Variants in NCOR2 observed in about 807,000 individuals in gnomAD.
The protein encoded by NCOR2 is CTG repeat protein 26.
NCOR2 carries 81 observed loss-of-function variants against 262.9 expected under a neutral mutation model. The ratio of observed to expected loss-of-function variants is 0.31; its 90% CI spans 0.26 to 0.37. The LOEUF (loss-of-function observed/expected upper bound fraction) is 0.37. Ranked by LOEUF, NCOR2 falls within the 10% of genes least tolerant of loss-of-function variation. NCOR2 has a pLI of 1.00. For missense variants in NCOR2, 3,385 were observed against 3,621.4 expected, an observed-to-expected ratio of 0.93 and a Z score of 1.68; for synonymous variants, 1,659 against 1,559.3, an observed-to-expected ratio of 1.06 and a Z score of -1.51.
intron 6 of NCOR2, among the ~76,000 whole-genome samples, chr12:124,450,548 G>A (rs1200972344): frequency 1.3e-5 from 2 of 152,184 alleles, no homozygotes; most frequent in African/African-American, 4.8e-5. Context: ...AAGCAAGCTA[G>A]CCGTCCACCA....
chr12:124,527,190 T>A (rs1165643066), intron 1 of NCOR2, among the ~76,000 whole-genome samples: 2 of 152,106 alleles, frequency 1.3e-5, no homozygotes. Context: ...GAAGGGTAGA[T>A]GACAAACACG....
chr12:124,327,034 C>T (rs1348567928), intron 45 of NCOR2, among the ~76,000 whole-genome samples: 1 of 152,182 alleles, frequency 6.6e-6, no homozygotes, highest in African/African-American at 2.4e-5. Context: ...TTCCCCTGTC[C>T]ACACAGTGTG....
At chr12:124,460,380 G>A (rs1460833955) in intron 5 of NCOR2, among the ~76,000 whole-genome samples, 4 of 152,206 alleles carry the variant, frequency 2.6e-5, no homozygotes, top group African/African-American at 7.2e-5. Flanking sequence ...CTCTCTCCAC[G>A]TCGCTGCAGC....
exon 9 of NCOR2, chr12:124,430,706 G>C: frequency 6.2e-7 from 1 of 1,614,170 alleles, no homozygotes; most frequent in Non-Finnish European, 8.5e-7. Context: ...TTGGCCCGCC[G>C]CCGGGGGTTG....
chr12:124,532,028 C>T (rs2050818848), intron 1 of NCOR2, among the ~76,000 whole-genome samples: 1 of 152,112 alleles, frequency 6.6e-6, no homozygotes, highest in African/African-American at 2.4e-5. Context: ...GGAGCCAAGC[C>T]CTCCCTCTGC....
intron 43 of NCOR2, 66 bp from the exon 46 acceptor site, chr12:124,330,964 C>A: frequency 6.6e-7 from 1 of 1,522,350 alleles, no homozygotes; most frequent in Non-Finnish European, 8.9e-7. Flanking sequence ...CTACCAGTCC[C>A]GTGTGGTCCA....
chr12:124,534,538 C>T (rs982545318), intron 1 of NCOR2, among the ~76,000 whole-genome samples: 1 of 152,180 alleles, frequency 6.6e-6, no homozygotes, highest in African/African-American at 2.4e-5. Flanking sequence ...TGTCGTTATG[C>T]AGCACATGAC....
At chr12:124,434,908 TTC>T (rs780651436) in intron 8 of NCOR2, among the ~76,000 whole-genome samples, 1 of 152,218 alleles carries the variant, frequency 6.6e-6, no homozygotes, top group Non-Finnish European at 1.5e-5. Context: ...CCTTGTACTC[TTC>T]TGTCAAATTT....
At chr12:124,437,017 C>T (rs1258558027) in intron 8 of NCOR2, among the ~76,000 whole-genome samples, 1 of 152,026 alleles carries the variant, frequency 6.6e-6, no homozygotes, top group African/African-American at 2.4e-5. Context: ...ACCCGAGAGG[C>T]GGAGGCTGCA....
intron 1 of NCOR2, among the ~76,000 whole-genome samples, chr12:124,492,145 C>T (rs2048118193): frequency 2.0e-5 from 3 of 152,232 alleles, no homozygotes; most frequent in African/African-American, 4.8e-5. Context: ...ACCATTCCAC[C>T]GCCAGCTCGG....
rs554184751 is a variant in NCOR2 at position 124,438,176 on chromosome 12, TC to T, written c.816-181del. The stretch of plus-strand genomic sequence containing the variant: ...GTGAGCTGCCAACGTGCATCCTTAC[TC>T]CCCCGCGCGCGAGGCAGCCCCCGCC... On this transcript the variant is annotated intron_variant, in intron 7 of 46. Coordinates refer to ENST00000405201, the Ensembl canonical transcript of NCOR2. Among the ~76,000 whole-genome samples the T allele has an allele frequency of 2.6e-5, 4 of 151,954 alleles. No individual in the cohort carries two copies. In the South Asian group the frequency reaches 8.3e-4, roughly 32 times the overall value.
At chr12:124,347,094 T>C (rs1593153060) in intron 30 of NCOR2, among the ~76,000 whole-genome samples, 1 of 152,190 alleles carries the variant, frequency 6.6e-6, no homozygotes, top group Non-Finnish European at 1.5e-5. Flanking sequence ...ACAGGCTGGG[T>C]GCAGTAGCTC....
chr12:124,528,504 C>T (rs1328947660), intron 1 of NCOR2, among the ~76,000 whole-genome samples: 1 of 152,174 alleles, frequency 6.6e-6, no homozygotes, highest in Non-Finnish European at 1.5e-5. Flanking sequence ...AATAGCTCCC[C>T]GGAAGGCAGG....
intron 1 of NCOR2, among the ~76,000 whole-genome samples, chr12:124,494,590 C>T (rs1040801834): frequency 6.6e-6 from 1 of 152,114 alleles, no homozygotes; most frequent in Non-Finnish European, 1.5e-5. Flanking sequence ...TCTGCCCTGG[C>T]CACAGGGCGG....
Position 124,483,684 on chromosome 12 carries a change from G to A in NCOR2, c.323C>T (p.Pro108Leu). 1.2e-6 allele frequency: 2 copies of A among 1,611,906 alleles called. No individual in the cohort carries two copies. Among genetic ancestry groups the A allele is most frequent in the Non-Finnish European group, 1.7e-6 (2 of 1,179,182 alleles). The change falls in exon 3 of 47, where the codon CCT becomes CTT. Residue 108 changes from proline to leucine, a missense_variant. By Grantham distance (98) the Pro-to-Leu change is moderately conservative. Transcript: ENST00000405201. This position sits in a 1 kb window ranked among gnomAD's most constrained non-coding sequence, Gnocchi z 6.3. ...GGGGTCAGGCAGCAGCTCTAGCCGA[G>A]GGCGCTTGCTTTCAATGAACTCCAT...
intron 24 of NCOR2, 177 bp downstream of exon 26, chr12:124,355,255 A>C: frequency 1.4e-6 from 1 of 722,310 alleles, no homozygotes; most frequent in Non-Finnish European, 2.2e-6. Flanking sequence ...GTGACCCCCC[A>C]GGGACGAGGC....
chr12:124,530,429 TG>T (rs2137149921), intron 1 of NCOR2, among the ~76,000 whole-genome samples: 1 of 152,274 alleles, frequency 6.6e-6, no homozygotes, highest in African/African-American at 2.4e-5. Context: ...ACCCTTAAAA[TG>T]GGTGCATCAT....
chr12:124,438,920 G>GGA (rs2044595499), intron 7 of NCOR2, among the ~76,000 whole-genome samples: 1 of 147,366 alleles, frequency 6.8e-6, no homozygotes, highest in African/African-American at 2.5e-5. Context: ...CAGAGAGAGA[G>GGA]AGACGGAGAC....
chr12:124,438,254 G>A (rs961249210), intron 7 of NCOR2, among the ~76,000 whole-genome samples: 1 of 152,096 alleles, frequency 6.6e-6, no homozygotes, highest in Non-Finnish European at 1.5e-5. Context: ...AGAGCCGAGG[G>A]GCCTGTGGCT....
Sources: allele counts gnomAD v4.1 joint callset (sites outside exome capture counted in the v4.1 genomes callset), GRCh38; gene constraint gnomAD v4.1.1; non-coding constraint Gnocchi (gnomAD v3.1); transcripts MANE v1.5; gene names NCBI Gene and HGNC (gene_info 2026-07-23, HGNC 2026-07-21).